SMIM41: variants seen among roughly 807,000 people sequenced by gnomAD.
The protein encoded by SMIM41 is small integral membrane protein 41.
chr12:52,082,348 C>T (rs750934511), intron 1 of SMIM41, among the ~76,000 whole-genome samples: 6 of 151,986 alleles, frequency 3.9e-5, no homozygotes, highest in Admixed American at 2.0e-4. Flanking sequence ...AGGGCTGGGG[C>T]GGGGGTGTAG....
intron 2 of SMIM41, among the ~76,000 whole-genome samples, chr12:52,098,967 C>T (rs1940160912): frequency 1.3e-5 from 2 of 152,108 alleles, no homozygotes; most frequent in South Asian, 4.2e-4. Context: ...AACAATATCA[C>T]AGGGTTGTGT....
chr12:52,086,655 A>G (rs1939898263), intron 2 of SMIM41, among the ~76,000 whole-genome samples: 1 of 152,174 alleles, frequency 6.6e-6, no homozygotes. Flanking sequence ...GCCCTGGCTC[A>G]GAGCTGCAGC....
chr12:52,083,601 C>A (rs1939848803), intron 1 of SMIM41, among the ~76,000 whole-genome samples: 1 of 152,120 alleles, frequency 6.6e-6, no homozygotes, highest in African/African-American at 2.4e-5. Context: ...CCCCTGTGGC[C>A]AGTGTGGGCA....
At chr12:52,105,667 A>G (rs1398085042) in intron 2 of SMIM41, among the ~76,000 whole-genome samples, 2 of 152,098 alleles carry the variant, frequency 1.3e-5, no homozygotes, top group East Asian at 1.9e-4. Context: ...GCAGGAGAAT[A>G]GCTTGAACCT....
chr12:52,102,379 G>T (rs1254565065), intron 2 of SMIM41, among the ~76,000 whole-genome samples: 6 of 152,104 alleles, frequency 3.9e-5, no homozygotes, highest in African/African-American at 1.4e-4. Context: ...TAGATTCCTT[G>T]GATTACATCT....
Position 52,101,051 on chromosome 12 carries a change from C to T in SMIM41, c.*196-6328C>T, listed in dbSNP as rs140543340. Among the ~76,000 whole-genome samples the T allele has an allele frequency of 1.3e-3, 199 of 152,208 alleles. 3 individuals are homozygous for T. The highest frequency in any genetic ancestry group is 4.4e-5 in the Non-Finnish European group (3 of 68,012). On this transcript the variant is annotated intron_variant, in intron 2 of 2. Coordinates refer to ENST00000546390, the MANE Select transcript of SMIM41 (RefSeq NM_001369216.1). Reference sequence around the variant, plus strand: ...CTGCAGAAAAAAATGGATGAGATTACAGGTCTGTATATTAAGTGAAATAAG... The same window carrying T: ...CTGCAGAAAAAAATGGATGAGATTATAGGTCTGTATATTAAGTGAAATAAG...
chr12:52,083,913 GGAGAGGAGAGAAGAGAAGAA>G lies in SMIM41; in HGVS notation c.*160_*179del, dbSNP rs1208809719. ...TCCTAGAGAGGAGAAGAAGAGAAGA[GGAGAGGAGAGAAGAGAAGAA>G]GAGAGGAGAGAAGAGAAGAGGAGAG... is the stretch of plus-strand genomic sequence containing the variant. On this transcript the variant is annotated 3_prime_UTR_variant, in exon 2 of 3. Coordinates refer to ENST00000546390, the MANE Select transcript of SMIM41 (RefSeq NM_001369216.1). 6.6e-6 allele frequency: 1 copy of G among 152,162 alleles called. No homozygotes were observed. Among genetic ancestry groups the G allele is most frequent in the African/African-American group, 2.4e-5 (1 of 41,402 alleles). 9.4% of individuals were successfully genotyped at this position (152,162 alleles called of 1,614,324 possible). A position where few individuals can be genotyped will look rare whatever the true frequency, so the allele number is the denominator to read the frequency against.
chr12:52,092,869 T>C (rs1432368070), intron 2 of SMIM41, among the ~76,000 whole-genome samples: 2 of 152,202 alleles, frequency 1.3e-5, no homozygotes, highest in African/African-American at 4.8e-5. Flanking sequence ...AAAAACTCTT[T>C]TAAAGAGTGA....
At chr12:52,086,607 C>T (rs1003901574) in intron 2 of SMIM41, among the ~76,000 whole-genome samples, 3 of 152,220 alleles carry the variant, frequency 2.0e-5, no homozygotes, top group Admixed American at 6.5e-5. Context: ...AGGCTGCAGC[C>T]GCACGCCCAC....
chr12:52,101,067 G>A (rs1940208674), intron 2 of SMIM41, among the ~76,000 whole-genome samples: 1 of 152,138 alleles, frequency 6.6e-6, no homozygotes, highest in Admixed American at 6.5e-5. Flanking sequence ...TGTATATTAA[G>A]TGAAATAAGC....
chr12:52,108,194 C>T lies in SMIM41; in HGVS notation c.*1011C>T, dbSNP rs1940379168. The T allele has an allele frequency of 5.0e-6, 1 of 201,922 alleles. No homozygotes were observed. Among genetic ancestry groups the T allele is most frequent in the East Asian group, 1.4e-4 (1 of 7,332 alleles). 12.5% of individuals were successfully genotyped at this position (201,922 alleles called of 1,614,324 possible). The stretch of plus-strand genomic sequence containing the variant: ...ACACGGTGGTCACCTCCATGCTCAA[C>T]CCCTTTATCTACAGCCTGGGAAACA... On this transcript the variant is annotated 3_prime_UTR_variant, in exon 3 of 3. Coordinates refer to ENST00000546390, the MANE Select transcript of SMIM41 (RefSeq NM_001369216.1).
chr12:52,079,923 T>G lies in SMIM41; in HGVS notation c.144T>G (p.Leu48=), dbSNP rs1357546395. The change falls in exon 1 of 3, where the codon CTT becomes CTG. Residue 48 remains leucine (L), a synonymous_variant. Transcript: ENST00000546390. Reference sequence around the variant, plus strand: ...TCGGCGTGCTGTCCCTGCTGGTGCTTTGCGGGGTCCTGTTCCTGGGCGGCG... The same window carrying G: ...TCGGCGTGCTGTCCCTGCTGGTGCTGTGCGGGGTCCTGTTCCTGGGCGGCG... ...VVLGVLSLLV[L]CGVLFLGGGL... is the part of the protein sequence containing the mutation. 2.6e-6 allele frequency: 1 copy of G among 387,872 alleles called. No homozygotes were observed. Among genetic ancestry groups the G allele is most frequent in the Non-Finnish European group, 4.6e-6 (1 of 219,140 alleles). 24.0% of individuals were successfully genotyped at this position (387,872 alleles called of 1,614,324 possible).
intron 2 of SMIM41, among the ~76,000 whole-genome samples, chr12:52,095,631 A>G (rs1940079526): frequency 6.6e-6 from 1 of 151,926 alleles, no homozygotes; most frequent in Non-Finnish European, 1.5e-5. Flanking sequence ...ACCCCATGCG[A>G]TATTGAAAGT....
At chr12:52,101,955 C>T (rs945822535) in intron 2 of SMIM41, among the ~76,000 whole-genome samples, 27 of 152,286 alleles carry the variant, frequency 1.8e-4, no homozygotes, top group African/African-American at 6.0e-4. Context: ...TCAGGTGATC[C>T]GCCCACCTCG....
At chr12:52,084,166 G>T (rs1218145015) in intron 2 of SMIM41, among the ~76,000 whole-genome samples, 198 bp downstream of exon 2, 1 of 152,074 alleles carries the variant, frequency 6.6e-6, no homozygotes, top group Non-Finnish European at 1.5e-5. Context: ...ACGAGGTCAG[G>T]AGTTTGAGAC....
intron 2 of SMIM41, among the ~76,000 whole-genome samples, chr12:52,100,134 C>T (rs542981945): frequency 2.4e-4 from 37 of 152,166 alleles, no homozygotes; most frequent in East Asian, 1.5e-3. Flanking sequence ...ACATTTCCTA[C>T]GCTGTTGGGA....
chr12:52,093,789 A>G (rs1311034064), intron 2 of SMIM41, among the ~76,000 whole-genome samples: 1 of 152,208 alleles, frequency 6.6e-6, no homozygotes, highest in Non-Finnish European at 1.5e-5. Context: ...AAATGGACAG[A>G]TTCTTTATTC....
chr12:52,086,753 T>C (rs568289196), intron 2 of SMIM41, among the ~76,000 whole-genome samples: 77 of 152,320 alleles, frequency 5.1e-4, no homozygotes, highest in Non-Finnish European at 1.0e-3. Context: ...GTCACTCTGG[T>C]CCCTTGACCT....
intron 2 of SMIM41, among the ~76,000 whole-genome samples, chr12:52,096,675 TTTA>T (rs1223061985): frequency 2.0e-5 from 3 of 151,838 alleles, no homozygotes; most frequent in Admixed American, 6.6e-5. Context: ...TTAATATTAA[TTTA>T]TTGTTATCGT....
Sources: gnomAD v4.1 joint callset for allele counts (sites outside exome capture counted in the v4.1 genomes callset) on GRCh38, gnomAD v4.1.1 for gene constraint, MANE v1.5 for transcripts, NCBI Gene and HGNC (gene_info 2026-07-23, HGNC 2026-07-21) for gene names.